The following CFAP61 variants were observed in gnomAD, a reference collection of about 807,000 sequenced individuals.
CFAP61 encodes cilia and flagella associated protein 61.
A neutral mutation model predicts 135.6 loss-of-function variants in CFAP61; 107 were observed. That is an observed-to-expected ratio of 0.79 (90% CI 0.67 to 0.93). The LOEUF is 0.93. Among genes scored for constraint, CFAP61 ranks in the 40% least tolerant of loss-of-function variants. CFAP61 has a pLI of 0.00. For missense variants in CFAP61, 1,507 were observed against 1,556.2 expected (o/e 0.97, Z 0.53); for synonymous variants, 575 against 578.5 (o/e 0.99, Z 0.09).
At chr20:20,259,422 A>ATTTTTTTT (rs11480895) in intron 20 of CFAP61, among the ~76,000 whole-genome samples, 2 of 135,628 alleles carry the variant, frequency 1.5e-5, no homozygotes, top group African/African-American at 2.8e-5. Context: ...AACCCAGCTA[A>ATTTTTTTT]TTTTTTTTTT....
intron 22 of CFAP61, among the ~76,000 whole-genome samples, chr20:20,283,701 TC>T (rs2054365703): frequency 6.6e-6 from 1 of 152,222 alleles, no homozygotes; most frequent in Non-Finnish European, 1.5e-5. Context: ...AGAAGTTAAT[TC>T]CTTGCAGCTG....
chr20:20,149,396 G>A (rs762014789), intron 9 of CFAP61, among the ~76,000 whole-genome samples: 1 of 152,188 alleles, frequency 6.6e-6, no homozygotes, highest in Non-Finnish European at 1.5e-5. Flanking sequence ...AACAGCATGT[G>A]GAGATTCACA....
In CFAP61 at chr20:20,359,317, C is replaced by A. The variant is rs1257476120; in HGVS notation, c.3514-893C>A. Among the ~76,000 whole-genome samples, 1 of 151,988 alleles carries A rather than the reference C, an allele frequency of 6.6e-6. No homozygotes were observed. Among genetic ancestry groups the A allele is most frequent in the Non-Finnish European group, 1.5e-5 (1 of 67,966 alleles). On this transcript the variant is annotated intron_variant, in intron 26 of 26. Coordinates refer to ENST00000245957, the MANE Select transcript of CFAP61 (RefSeq NM_015585.4). The surrounding 1 kb of genome is among the most constrained non-coding windows in gnomAD (Gnocchi z 4.0). ...AGCAAGAAAACTTTTCATATAGGAC[C>A]TTTCAAGTAAAAAGGTTTAATCACT...
chr20:20,154,988 G>C (rs573256935), intron 9 of CFAP61, among the ~76,000 whole-genome samples: 5 of 152,010 alleles, frequency 3.3e-5, no homozygotes, highest in South Asian at 4.1e-4. Flanking sequence ...GCAAAAAGAA[G>C]AAATCTGGAG....
intron 7 of CFAP61, 114 bp from the exon 8 acceptor site, chr20:20,098,541 G>A (rs1449893641): frequency 1.5e-5 from 13 of 878,696 alleles, no homozygotes; most frequent in Admixed American, 2.6e-5. Flanking sequence ...CTGAGGAGGC[G>A]GAGGTTGCGG....
At chr20:20,113,486 A>G (rs2048935547) in intron 8 of CFAP61, among the ~76,000 whole-genome samples, 1 of 152,200 alleles carries the variant, frequency 6.6e-6, no homozygotes, top group East Asian at 1.9e-4. Context: ...ACACTGTACC[A>G]CAATAAATTT....
chr20:20,085,430 G>A, intron 6 of CFAP61: 1 of 1,364,916 alleles, frequency 7.3e-7, no homozygotes, highest in Non-Finnish European at 9.8e-7. Flanking sequence ...GCATTTAGCA[G>A]AACAAGTTCC....
intron 8 of CFAP61, among the ~76,000 whole-genome samples, chr20:20,116,776 T>C (rs1452812164): frequency 6.6e-6 from 1 of 152,130 alleles, no homozygotes; most frequent in African/African-American, 2.4e-5. Context: ...TCCTGACCTC[T>C]AGTAACCAGC....
chr20:20,254,632 C>A (rs1031840914), intron 20 of CFAP61, among the ~76,000 whole-genome samples: 1 of 152,212 alleles, frequency 6.6e-6, no homozygotes, highest in Non-Finnish European at 1.5e-5. Context: ...GCTGAATTCA[C>A]TGGGGAGCTT....
chr20:20,107,995 C>T (rs1232160463), intron 8 of CFAP61, among the ~76,000 whole-genome samples: 2 of 151,992 alleles, frequency 1.3e-5, no homozygotes, highest in Non-Finnish European at 2.9e-5. Flanking sequence ...AAGCAAATCA[C>T]AAAAGTAGTT....
chr20:20,308,211 G>A (rs111705123), intron 25 of CFAP61, among the ~76,000 whole-genome samples: 5,820 of 152,208 alleles, frequency 0.038, 376 homozygotes, highest in African/African-American at 0.13. Flanking sequence ...CATGGAATTT[G>A]GAGTGGGCGT....
chr20:20,360,151 G>A (rs1219976888), intron 26 of CFAP61, 59 bp from the exon 27 acceptor site: 13 of 1,291,490 alleles, frequency 1.0e-5, no homozygotes, highest in African/African-American at 2.9e-5. Context: ...TGAAACTGCC[G>A]TTACAACTGT....
chr20:20,180,168 T>A (rs956494110), intron 13 of CFAP61, among the ~76,000 whole-genome samples: 7 of 151,840 alleles, frequency 4.6e-5, no homozygotes, highest in African/African-American at 1.7e-4. Flanking sequence ...TAAACAAATT[T>A]ACAAGGGAAA....
intron 18 of CFAP61, among the ~76,000 whole-genome samples, chr20:20,237,332 C>T (rs966378147): frequency 2.6e-5 from 4 of 152,120 alleles, no homozygotes; most frequent in African/African-American, 7.2e-5. Context: ...CTCCTTGCCC[C>T]GTTTCTCCAG....
chr20:20,301,908 A>T (rs2056135476), intron 25 of CFAP61, among the ~76,000 whole-genome samples: 1 of 152,212 alleles, frequency 6.6e-6, no homozygotes. Flanking sequence ...ATAGTTTTAT[A>T]ATCAACTTGT....
chr20:20,117,758 A>T (rs1038216733), intron 8 of CFAP61, among the ~76,000 whole-genome samples: 3 of 151,828 alleles, frequency 2.0e-5, no homozygotes, highest in African/African-American at 7.3e-5. Context: ...GTCCTCTTCA[A>T]TTTTTTTTAT....
At chr20:20,072,091 CTTTTTTTTTTTTTTTTTTTTTTTTTTT>C (rs71198039) in intron 3 of CFAP61, among the ~76,000 whole-genome samples, 26 of 57,638 alleles carry the variant, frequency 4.5e-4, no homozygotes, top group African/African-American at 1.3e-3. Flanking sequence ...ATCTAGCAAT[CTTTTTTTTTTTTTTTTTTTTTTTTTTT>C]TTTTTTTTTT....
chr20:20,083,153 A>T (rs1387146671), intron 6 of CFAP61, among the ~76,000 whole-genome samples: 1 of 152,218 alleles, frequency 6.6e-6, no homozygotes, highest in Non-Finnish European at 1.5e-5. Flanking sequence ...GTGGAATACT[A>T]CTCAGCCATA....
rs549840919 is a variant in CFAP61, at chr20:20,085,560, A to G, written c.567-5284A>G. ...AGGTATGATTATGGATAACTTTGTTAACGGGCTGCTGAGGTTCATGAGCAG... is the reference window on the plus strand; with the variant it reads ...AGGTATGATTATGGATAACTTTGTTGACGGGCTGCTGAGGTTCATGAGCAG... On this transcript the variant is annotated intron_variant, in intron 6 of 26. Coordinates refer to ENST00000245957, the MANE Select transcript of CFAP61 (RefSeq NM_015585.4). 2.5e-5 allele frequency: 34 copies of G among 1,358,550 alleles called. No individual in the cohort carries two copies. In the African/African-American group the frequency reaches 4.7e-4, roughly 19 times the overall value. The allele number at this position is 1,358,550 out of a possible 1,614,324, so 84.2% of individuals were successfully genotyped here.
Sources: gnomAD v4.1 joint callset for allele counts (sites outside exome capture counted in the v4.1 genomes callset) on GRCh38, gnomAD v4.1.1 for gene constraint, Gnocchi (gnomAD v3.1) non-coding constraint, MANE v1.5 for transcripts, NCBI Gene and HGNC (gene_info 2026-07-23, HGNC 2026-07-21) for gene names.